PNPT1: variants seen among roughly 807,000 people sequenced by gnomAD.
The protein encoded by PNPT1 is polyribonucleotide nucleotidyltransferase 1, mitochondrial.
Under a neutral mutation model 119.5 loss-of-function variants are expected in PNPT1, and 53 were observed. That is an observed-to-expected ratio of 0.44 (90% CI 0.36 to 0.56). The LOEUF (loss-of-function observed/expected upper bound fraction) is 0.56, where lower values mean the gene tolerates loss of function less well. Among genes scored for constraint, PNPT1 ranks in the 20% least tolerant of loss-of-function variants. The probability of loss-of-function intolerance (pLI) is 0.00; values close to 1 mark genes in which losing one functional copy is unlikely to be tolerated. For missense variants in PNPT1, 948 were observed against 938.5 expected (o/e 1.01, Z -0.13); for synonymous variants, 357 against 322.1 (o/e 1.11, Z -1.16).
chr2:55,678,056 T>A (rs377171874), intron 8 of PNPT1, among the ~76,000 whole-genome samples: 24 of 152,334 alleles, frequency 1.6e-4, no homozygotes, highest in African/African-American at 5.8e-4. Context: ...TGTGTCTTAA[T>A]GATAATAGCA....
rs7592219 is a variant in PNPT1 at position 55,660,041 on chromosome 2, T to C, written c.1284+116A>G. 322,162 of 974,488 alleles carry C rather than the reference T, an allele frequency of 0.33. 54,444 individuals are homozygous for C. The highest frequency in any genetic ancestry group is 0.4 in the South Asian group (18,057 of 45,150). 60.4% of individuals were successfully genotyped at this position (974,488 alleles called of 1,614,324 possible). On this transcript the variant is annotated intron_variant, in intron 15 of 27. Coordinates refer to ENST00000447944, the MANE Select transcript of PNPT1 (RefSeq NM_033109.5). ...ATGTCTTGAGCCTGGGAGGGAGAGGTTGCAGTGAGCTGAGACTGCACCACT... is the reference window on the plus strand; with the variant it reads ...ATGTCTTGAGCCTGGGAGGGAGAGGCTGCAGTGAGCTGAGACTGCACCACT...
intron 1 of PNPT1, among the ~76,000 whole-genome samples, chr2:55,692,352 T>C (rs1270124326): frequency 3.3e-5 from 5 of 152,178 alleles, no homozygotes; most frequent in African/African-American, 7.2e-5. Context: ...CTGTTCAATG[T>C]CAACTACTTA....
intron 8 of PNPT1, among the ~76,000 whole-genome samples, chr2:55,679,206 T>C (rs1697173490): frequency 6.6e-6 from 1 of 152,194 alleles, no homozygotes; most frequent in Admixed American, 6.5e-5. Context: ...TCTATTTTAT[T>C]ACCAGTTTTC....
intron 26 of PNPT1, 147 bp from the exon 27 acceptor site, chr2:55,637,746 C>T (rs1447897878): frequency 1.5e-5 from 10 of 660,320 alleles, no homozygotes; most frequent in Non-Finnish European, 2.1e-5. Flanking sequence ...CCTGTAATTC[C>T]AGCACTTTGG....
chr2:55,652,412 T>C (rs374246002), intron 18 of PNPT1, among the ~76,000 whole-genome samples: 37 of 152,356 alleles, frequency 2.4e-4, no homozygotes, highest in African/African-American at 8.4e-4. Context: ...ATTTTTAAAC[T>C]ATTAAGCTCC....
At position 55,671,335 on chromosome 2, in the gene PNPT1, C is replaced by T. The variant is rs778742691; in HGVS notation, c.960G>A (p.Thr320=). 65 of 1,535,062 alleles carry T rather than the reference C, an allele frequency of 4.2e-5. No homozygotes were observed. Among genetic ancestry groups the T allele is most frequent in the Admixed American group, 6.1e-5 (3 of 49,332 alleles). ...AAAATTTACCTTTTAGTTGTTCCTC[C>T]GTATCTAATCTTATTTTGTTAACAG... The part of the protein sequence containing the change: ...DEAVNKIRLD[T]EEQLKEKFPE... The change falls in exon 11 of 28, where the codon ACG becomes ACA. Residue 320 remains threonine, a synonymous_variant. Coordinates refer to ENST00000447944, the MANE Select transcript of PNPT1 (RefSeq NM_033109.5).
In PNPT1 at chr2:55,671,598, T is replaced by C. The variant is rs372302834; in HGVS notation, c.919-222A>G. ...ACTTATATTAAAAAGAAAAGAACTT[T>C]GGGTGGCCAAGGTGGGCAGATCACT... On this transcript the variant is annotated intron_variant, in intron 10 of 27. Transcript: ENST00000447944. Among the ~76,000 whole-genome samples the C allele has an allele frequency of 1.4e-4, 22 of 152,348 alleles. No homozygotes were observed. In the East Asian group the frequency reaches 4.0e-3, roughly 28 times the overall value.
At chr2:55,646,902 G>C (rs1206029839) in intron 19 of PNPT1, among the ~76,000 whole-genome samples, 7 of 152,204 alleles carry the variant, frequency 4.6e-5, no homozygotes, top group East Asian at 1.9e-4. Flanking sequence ...GCAGTGGCAC[G>C]ATCTTGGCTC....
At chr2:55,637,506 C>T (rs780031739) in intron 27 of PNPT1, 46 bp downstream of exon 27, 2 of 1,521,032 alleles carry the variant, frequency 1.3e-6, no homozygotes, top group South Asian at 1.1e-5. Context: ...ATGGAAGCTT[C>T]AAGAACAATT....
rs377373441 is a variant in PNPT1 at position 55,684,261 on chromosome 2, G to GC, written c.404-428dup. On this transcript the variant is annotated intron_variant, in intron 4 of 27. Transcript: ENST00000447944. ...CAATCCCAGCACTTGGGAGGCTGAG[G>GC]CGGGTGGATCACGAGGTCAGGAGTT... Among the ~76,000 whole-genome samples, 313 of 152,344 alleles carry GC rather than the reference G, an allele frequency of 2.1e-3. 1 individual carries two copies. The highest frequency in any genetic ancestry group is 6.9e-3 in the African/African-American group (287 of 41,570).
intron 17 of PNPT1, 128 bp from the exon 18 acceptor site, chr2:55,655,081 A>G (rs2104068603): frequency 2.2e-6 from 2 of 901,440 alleles, no homozygotes; most frequent in East Asian, 5.5e-5. Context: ...TCTTTTTAAA[A>G]GCAACTAAGG....
At chr2:55,665,582 C>T (rs1004474986) in intron 13 of PNPT1, among the ~76,000 whole-genome samples, 7 of 152,228 alleles carry the variant, frequency 4.6e-5, no homozygotes, top group Middle Eastern at 6.8e-3. Context: ...AGGATATGGA[C>T]AGAAAATTCA....
rs869033487 is a variant in PNPT1, at chr2:55,657,856, C to CAAAAAAAAAAAAAAAAAAAAAAAAAAAAA, written c.1285-1514_1285-1486dup. 1.7e-4 allele frequency among the ~76,000 whole-genome samples: 4 copies of CAAAAAAAAAAAAAAAAAAAAAAAAAAAAA among 23,384 alleles called. 1 individual carries two copies. Among genetic ancestry groups the CAAAAAAAAAAAAAAAAAAAAAAAAAAAAA allele is most frequent in the Non-Finnish European group, 2.6e-4 (3 of 11,626 alleles). 15.3% of individuals were successfully genotyped at this position (23,384 alleles called of 152,430 possible). A position where few individuals can be genotyped will look rare whatever the true frequency, so the allele number is the denominator to read the frequency against. On this transcript the variant is annotated intron_variant, in intron 15 of 27. Coordinates refer to ENST00000447944, the MANE Select transcript of PNPT1 (RefSeq NM_033109.5). ...CTATGGGGCTTCAATAGATAGACTG[C>CAAAAAAAAAAAAAAAAAAAAAAAAAAAAA]AAAAAAAAAAAAAAAAAAAAAAAAA...
At chr2:55,664,051 C>T (rs1012282098) in intron 13 of PNPT1, among the ~76,000 whole-genome samples, 1 of 152,192 alleles carries the variant, frequency 6.6e-6, no homozygotes, top group African/African-American at 2.4e-5. Flanking sequence ...GGAAATGATA[C>T]TGGATCCATA....
intron 13 of PNPT1, 75 bp downstream of exon 13, chr2:55,666,916 T>A: frequency 1.1e-6 from 1 of 902,158 alleles, no homozygotes; most frequent in Non-Finnish European, 1.7e-6. Context: ...CTACAGCATC[T>A]ACTAATGTAC....
chr2:55,685,840 CCT>C (rs1212792966), intron 3 of PNPT1, among the ~76,000 whole-genome samples: 1 of 152,238 alleles, frequency 6.6e-6, no homozygotes, highest in East Asian at 1.9e-4. Flanking sequence ...TTACGTATAT[CCT>C]CTCATATACT....
chr2:55,691,878 A>ATATATATATATATTTTT, intron 1 of PNPT1, among the ~76,000 whole-genome samples: 1 of 33,122 alleles, frequency 3.0e-5, no homozygotes, highest in South Asian at 1.8e-3. Flanking sequence ...ATATATATAT[A>ATATATATATATATTTTT]TTTTTTTTTT....
chr2:55,660,419 T>C (rs1400067734), intron 14 of PNPT1, among the ~76,000 whole-genome samples: 1 of 152,162 alleles, frequency 6.6e-6, no homozygotes, highest in Non-Finnish European at 1.5e-5. Flanking sequence ...CAATTTTACT[T>C]TAAATATAAG....
chr2:55,653,983 G>A (rs1210395119), intron 18 of PNPT1, among the ~76,000 whole-genome samples: 1 of 152,172 alleles, frequency 6.6e-6, no homozygotes, highest in Admixed American at 6.5e-5. Flanking sequence ...TAGCGGCCAG[G>A]TGTGGTGGCT....
Sources: gnomAD v4.1 joint callset for allele counts (sites outside exome capture counted in the v4.1 genomes callset) on GRCh38, gnomAD v4.1.1 for gene constraint, MANE v1.5 for transcripts, NCBI Gene and HGNC (gene_info 2026-07-23, HGNC 2026-07-21) for gene names.